The following ACYP2 variants were observed in gnomAD, a reference collection of about 807,000 sequenced individuals.
The protein encoded by ACYP2 is acylphosphatase-2.
In ACYP2, 12 loss-of-function variants were observed where a neutral mutation model predicts 11.2. The observed-to-expected ratio is 1.08, with a 90% CI of 0.69 to 1.74. The LOEUF is 1.74. ACYP2 is among the 40% of genes most tolerant of loss of function. The pLI, the probability that ACYP2 is intolerant of heterozygous loss-of-function variation, is 0.00. For missense variants in ACYP2, 134 were observed against 101.9 expected (o/e 1.31, Z -1.35); for synonymous variants, 43 against 32.2 (o/e 1.33, Z -1.13).
At chr2:54,208,983 T>C (rs1328099572) in intron 6 of ACYP2, among the ~76,000 whole-genome samples, 1 of 141,522 alleles carries the variant, frequency 7.1e-6, no homozygotes, top group Admixed American at 7.1e-5. Flanking sequence ...TTCTTTGCTT[T>C]TACTTTTTTT....
intron 2 of ACYP2, among the ~76,000 whole-genome samples, chr2:54,041,090 T>C (rs1015801003): frequency 2.3e-5 from 3 of 129,358 alleles, no homozygotes; most frequent in African/African-American, 9.1e-5. Context: ...TTCCTCTCTC[T>C]CTCTTTCTTT....
intron 6 of ACYP2, among the ~76,000 whole-genome samples, chr2:54,282,201 C>A (rs370922785): frequency 6.6e-6 from 1 of 152,134 alleles, no homozygotes; most frequent in Non-Finnish European, 1.5e-5. Flanking sequence ...TTCTCCAAGT[C>A]CTTCAAAGAA....
intron 6 of ACYP2, among the ~76,000 whole-genome samples, chr2:54,262,727 T>C (rs999022357): frequency 1.3e-5 from 2 of 152,164 alleles, no homozygotes; most frequent in Non-Finnish European, 2.9e-5. Context: ...TTTTTTTTTT[T>C]AGAAATAACT....
intron 6 of ACYP2, among the ~76,000 whole-genome samples, chr2:54,269,827 A>G (rs1688202690): frequency 1.3e-5 from 2 of 152,322 alleles, no homozygotes; most frequent in African/African-American, 4.8e-5. Flanking sequence ...TATCAATAAC[A>G]ATTTTCATTT....
At chr2:54,171,574 T>TA (rs1191684440) in intron 6 of ACYP2, among the ~76,000 whole-genome samples, 1 of 152,226 alleles carries the variant, frequency 6.6e-6, no homozygotes, top group Non-Finnish European at 1.5e-5. Context: ...GCAACTCTGT[T>TA]GTTTTCTTTG....
chr2:54,299,437 C>A (rs1038474878), intron 6 of ACYP2, among the ~76,000 whole-genome samples: 1 of 151,718 alleles, frequency 6.6e-6, no homozygotes, highest in Non-Finnish European at 1.5e-5. Flanking sequence ...ACTAAAAATA[C>A]AAAAATTAGC....
intron 6 of ACYP2, among the ~76,000 whole-genome samples, chr2:54,231,870 C>T (rs962963593): frequency 2.0e-5 from 3 of 152,142 alleles, no homozygotes; most frequent in Non-Finnish European, 4.4e-5. Flanking sequence ...TGGAGCATAT[C>T]GGGCGCTGTA....
intron 6 of ACYP2, among the ~76,000 whole-genome samples, chr2:54,184,166 C>T (rs1683871407): frequency 6.6e-6 from 1 of 152,126 alleles, no homozygotes; most frequent in South Asian, 2.1e-4. Flanking sequence ...GGTCTGTCTC[C>T]AAGGCCACGG....
intron 4 of ACYP2, among the ~76,000 whole-genome samples, chr2:54,132,064 G>C (rs1005217818): frequency 2.0e-4 from 30 of 152,180 alleles, no homozygotes; most frequent in African/African-American, 7.2e-4. Context: ...GTTAGCGGTT[G>C]AGGAACTCAG....
chr2:54,266,815 T>G (rs1688051152), intron 6 of ACYP2, among the ~76,000 whole-genome samples: 1 of 151,830 alleles, frequency 6.6e-6, no homozygotes, highest in South Asian at 2.1e-4. Flanking sequence ...TTCACCGTGT[T>G]AGCCAGGATG....
At chr2:54,269,140 G>A (rs1243891559) in intron 6 of ACYP2, among the ~76,000 whole-genome samples, 1 of 152,076 alleles carries the variant, frequency 6.6e-6, no homozygotes, top group Non-Finnish European at 1.5e-5. Context: ...TAGAGACAGG[G>A]GCTCACTATG....
intron 2 of ACYP2, among the ~76,000 whole-genome samples, chr2:54,003,785 G>T (rs990727199): frequency 6.6e-6 from 1 of 152,156 alleles, no homozygotes. Context: ...TATGGTAAGA[G>T]TATGTATAGT....
intron 6 of ACYP2, among the ~76,000 whole-genome samples, chr2:54,295,280 T>C (rs1689479884): frequency 6.6e-6 from 1 of 152,254 alleles, no homozygotes; most frequent in African/African-American, 2.4e-5. Flanking sequence ...ATTCGGGTCA[T>C]TAGGCCCCTG....
At chr2:54,267,435 G>A (rs1024204297) in intron 6 of ACYP2, 81 of 1,384,770 alleles carry the variant, frequency 5.8e-5, no homozygotes, top group Non-Finnish European at 7.6e-5. Context: ...ACAGAAGGAG[G>A]GAGAAGGAAT....
chr2:53,998,955 G>T lies in ACYP2; in HGVS notation c.62+25145G>T, dbSNP rs569739470. Among the ~76,000 whole-genome samples the T allele has an allele frequency of 5.3e-5, 8 of 152,240 alleles. No homozygotes were observed. The South Asian group carries it at 1.2e-3, about 24-fold the overall frequency. ...GGAAGAGACTAGAGTCATGTGGAGGGATCCCACGGCCACTGTTCTGAAGTG... is the reference window on the plus strand; with the variant it reads ...GGAAGAGACTAGAGTCATGTGGAGGTATCCCACGGCCACTGTTCTGAAGTG... On this transcript the variant is annotated intron_variant, in intron 2 of 6. Transcript: ENST00000607452.
intron 6 of ACYP2, among the ~76,000 whole-genome samples, chr2:54,170,044 C>G (rs1683160561): frequency 6.6e-6 from 1 of 152,038 alleles, no homozygotes; most frequent in Non-Finnish European, 1.5e-5. Flanking sequence ...CCTCATTATG[C>G]TTTTATATGA....
At chr2:54,231,547 G>A (rs2103967270) in intron 6 of ACYP2, among the ~76,000 whole-genome samples, 1 of 152,316 alleles carries the variant, frequency 6.6e-6, no homozygotes, top group Middle Eastern at 3.4e-3. Context: ...ACCATTTAAG[G>A]AGCAGAGACC....
intron 6 of ACYP2, among the ~76,000 whole-genome samples, chr2:54,219,016 A>G (rs1238611600): frequency 6.6e-6 from 1 of 152,216 alleles, no homozygotes; most frequent in Non-Finnish European, 1.5e-5. Context: ...TGGGAAATCT[A>G]GAGTCTATAT....
intron 6 of ACYP2, among the ~76,000 whole-genome samples, chr2:54,197,397 A>G (rs1684536064): frequency 6.6e-6 from 1 of 152,004 alleles, no homozygotes; most frequent in Non-Finnish European, 1.5e-5. Context: ...AGGGGCATGA[A>G]CCCCCTTTCC....
Sources: allele counts gnomAD v4.1 joint callset (sites outside exome capture counted in the v4.1 genomes callset), GRCh38; gene constraint gnomAD v4.1.1; transcripts MANE v1.5; gene names NCBI Gene and HGNC (gene_info 2026-07-23, HGNC 2026-07-21).